The following NEDD4L variants were observed in gnomAD, a reference collection of about 807,000 sequenced individuals.
The protein encoded by NEDD4L is E3 ubiquitin-protein ligase NEDD4-like.
In NEDD4L, 54 loss-of-function variants were observed where a neutral mutation model predicts 148.9. That is an observed-to-expected ratio of 0.36 (90% CI 0.29 to 0.45). NEDD4L has a LOEUF of 0.45. NEDD4L is among the 20% of genes least tolerant of loss of function. NEDD4L has a pLI of 1.00. For synonymous variants in NEDD4L, 433 were observed against 440.7 expected, an observed-to-expected ratio of 0.98 and a Z score of 0.22; for missense variants, 856 against 1,233.8, an observed-to-expected ratio of 0.69 and a Z score of 4.59.
intron 3 of NEDD4L, among the ~76,000 whole-genome samples, chr18:58,248,459 AT>A (rs1212261591): frequency 1.3e-5 from 2 of 152,196 alleles, no homozygotes; most frequent in Non-Finnish European, 2.9e-5. Flanking sequence ...TCTCTATAAA[AT>A]GTTAAGATTT....
rs2048562317 is a variant in NEDD4L, at chr18:58,256,338, C to T, written c.297+4284C>T. On this transcript the variant is annotated intron_variant, in intron 5 of 30. Coordinates refer to ENST00000400345, the MANE Select transcript of NEDD4L (RefSeq NM_001144967.3). The surrounding 1 kb of genome is among the most constrained non-coding windows in gnomAD (Gnocchi z 5.2). ...TGGTCCCTGCAGCACGTTCCAGATG[C>T]TTCTGGAAGCTCTGGGAAGCGGTGT... is the stretch of plus-strand genomic sequence containing the variant. 8.1e-7 allele frequency: 1 copy of T among 1,231,998 alleles called. No individual in the cohort carries two copies. The highest frequency in any genetic ancestry group is 1.6e-5 in the African/African-American group (1 of 64,436). The allele number at this position is 1,231,998 out of a possible 1,614,324, so 76.3% of individuals were successfully genotyped here. A position where few individuals can be genotyped will look rare whatever the true frequency, so the allele number is the denominator to read the frequency against.
chr18:58,143,218 C>T (rs185386507), intron 1 of NEDD4L, among the ~76,000 whole-genome samples: 83 of 152,280 alleles, frequency 5.5e-4, no homozygotes, highest in Admixed American at 5.0e-3. Context: ...TGTTCACTGG[C>T]GTTCACTGGT....
chr18:58,386,441 T>C (rs539788445), intron 26 of NEDD4L, among the ~76,000 whole-genome samples: 1 of 152,312 alleles, frequency 6.6e-6, no homozygotes, highest in South Asian at 2.1e-4. Context: ...AAAACACATT[T>C]TCTTAAGCTG....
chr18:58,149,523 T>G (rs758793927), intron 1 of NEDD4L: 2 of 1,551,322 alleles, frequency 1.3e-6, no homozygotes, highest in Non-Finnish European at 1.7e-6. Flanking sequence ...CCTTTAATAT[T>G]GTATTCTCCT....
chr18:58,125,493 G>T (rs1388503966), intron 1 of NEDD4L, among the ~76,000 whole-genome samples: 4 of 151,984 alleles, frequency 2.6e-5, no homozygotes, highest in Non-Finnish European at 5.9e-5. Flanking sequence ...TGTGTTCATG[G>T]TAGAAATGAA....
chr18:58,106,812 A>C (rs1403333004), intron 1 of NEDD4L, among the ~76,000 whole-genome samples: 4 of 152,164 alleles, frequency 2.6e-5, no homozygotes, highest in African/African-American at 9.7e-5. Context: ...CACTCGCCCA[A>C]AGTCACAGTG....
At chr18:58,348,958 A>T (rs1425733923) in intron 16 of NEDD4L, among the ~76,000 whole-genome samples, 1 of 152,200 alleles carries the variant, frequency 6.6e-6, no homozygotes, top group African/African-American at 2.4e-5. Flanking sequence ...AATCTCAGTA[A>T]AGTTGTATCA....
intron 5 of NEDD4L, among the ~76,000 whole-genome samples, chr18:58,293,318 C>T (rs9956458): frequency 0.42 from 63,118 of 152,050 alleles, 13,653 homozygotes; most frequent in African/African-American, 0.54. Context: ...ATGGCTTGTG[C>T]TCTTGGGAAA....
intron 1 of NEDD4L, among the ~76,000 whole-genome samples, chr18:58,094,901 A>T (rs796607986): frequency 4.6e-4 from 47 of 102,544 alleles, no homozygotes; most frequent in African/African-American, 8.5e-4. Context: ...AAGAGCACTT[A>T]AAAAAAAAAA....
At chr18:58,227,578 A>G (rs984223713) in intron 2 of NEDD4L, among the ~76,000 whole-genome samples, 2 of 152,186 alleles carry the variant, frequency 1.3e-5, no homozygotes, top group Admixed American at 6.5e-5. Context: ...TAAGGGCTGG[A>G]GTCTGCTTTC....
chr18:58,157,594 A>G (rs184452804), intron 1 of NEDD4L, among the ~76,000 whole-genome samples: 172 of 152,134 alleles, frequency 1.1e-3, no homozygotes, highest in Non-Finnish European at 2.1e-3. Context: ...ATGATCATGT[A>G]TCTTAAGTTT....
At chr18:58,343,252 C>T (rs549047261) in intron 16 of NEDD4L, 149 bp downstream of exon 16, 3 of 273,972 alleles carry the variant, frequency 1.1e-5, no homozygotes, top group East Asian at 1.2e-4. Flanking sequence ...CATCTGGCCC[C>T]TGCATAAATG....
Position 58,396,409 on chromosome 18 carries a change from C to A in NEDD4L, c.*140C>A. On this transcript the variant is annotated 3_prime_UTR_variant, in exon 31 of 31. Coordinates refer to ENST00000400345, the MANE Select transcript of NEDD4L (RefSeq NM_001144967.3). ...TGGAGCCGAGCCTTCACCACGCACTCGTCCAAGTTCGGATGCGGGAACCTG... is the reference window on the plus strand; with the variant it reads ...TGGAGCCGAGCCTTCACCACGCACTAGTCCAAGTTCGGATGCGGGAACCTG... The A allele has an allele frequency of 1.7e-6, 1 of 580,428 alleles. No individual in the cohort carries two copies. The highest frequency in any genetic ancestry group is 3.1e-6 in the Non-Finnish European group (1 of 320,894). The allele number at this position is 580,428 out of a possible 1,614,324, so 36.0% of individuals were successfully genotyped here. A position where few individuals can be genotyped will look rare whatever the true frequency, so the allele number is the denominator to read the frequency against.
intron 18 of NEDD4L, among the ~76,000 whole-genome samples, chr18:58,355,541 A>G (rs889553743): frequency 2.0e-5 from 3 of 152,212 alleles, no homozygotes; most frequent in Admixed American, 6.5e-5. Context: ...GACAATATCC[A>G]TTGATACGGT....
intron 1 of NEDD4L, among the ~76,000 whole-genome samples, chr18:58,111,127 G>A (rs2085395308): frequency 6.6e-6 from 1 of 152,138 alleles, no homozygotes; most frequent in African/African-American, 2.4e-5. Flanking sequence ...GAGTGGAGTG[G>A]CACAATCTCG....
intron 1 of NEDD4L, among the ~76,000 whole-genome samples, chr18:58,130,217 A>T (rs1303260551): frequency 3.5e-5 from 3 of 86,508 alleles, no homozygotes; most frequent in African/African-American, 9.5e-5. Flanking sequence ...GGTTTGGTTG[A>T]CTGTGATCTA....
chr18:58,255,348 C>G (rs1204521373), intron 5 of NEDD4L: 1 of 310,336 alleles, frequency 3.2e-6, no homozygotes, highest in Non-Finnish European at 5.5e-6. Flanking sequence ...TAGGGGAAAA[C>G]TCCTCTAAGT....
At chr18:58,255,385 G>A (rs2148557233) in intron 5 of NEDD4L, 1 of 536,252 alleles carries the variant, frequency 1.9e-6, no homozygotes, top group Non-Finnish European at 2.7e-6. Flanking sequence ...GAGGGGGAGA[G>A]CGCGGTCATG....
At position 58,374,829 on chromosome 18, in the gene NEDD4L, G is replaced by A. The variant is rs558005725; in HGVS notation, c.2352+1560G>A. ...TCACCCTGCCAGCTGTCCTGCACCC[G>A]CTGCTTTTTTGTCTCACCCTTGCTA... On this transcript the variant is annotated intron_variant, in intron 24 of 30. Coordinates refer to ENST00000400345, the MANE Select transcript of NEDD4L (RefSeq NM_001144967.3). 1.6e-4 allele frequency among the ~76,000 whole-genome samples: 24 copies of A among 152,162 alleles called. 1 individual carries two copies. The South Asian group carries it at 4.2e-3, about 26-fold the overall frequency.
Sources: gnomAD v4.1 joint callset for allele counts (sites outside exome capture counted in the v4.1 genomes callset) on GRCh38, gnomAD v4.1.1 for gene constraint, Gnocchi (gnomAD v3.1) non-coding constraint, MANE v1.5 for transcripts, NCBI Gene and HGNC (gene_info 2026-07-23, HGNC 2026-07-21) for gene names.